Variants in TM6SF2 observed in about 807,000 individuals in gnomAD.
TM6SF2 encodes the protein transmembrane 6 superfamily member 2.
A neutral mutation model predicts 41.0 loss-of-function variants in TM6SF2; 29 were observed. The observed-to-expected ratio is 0.71, with a 90% CI of 0.53 to 0.96. TM6SF2 has a LOEUF of 0.96. Among genes scored for constraint, TM6SF2 ranks in the 50% least tolerant of loss-of-function variants. The pLI is 0.00. For missense variants in TM6SF2, 475 were observed against 499.0 expected (o/e 0.95, Z 0.46); for synonymous variants, 200 against 209.1 (o/e 0.96, Z 0.37).
At chr19:19,273,061 T>TGGGCCCCCCCCCCCCCCCCCCCCCCCCCC in intron 1 of TM6SF2, 60 bp downstream of exon 1, 1 of 305,470 alleles carries the variant, frequency 3.3e-6, no homozygotes, top group Non-Finnish European at 6.1e-6. Context: ...CCTCCAGTCC[T>TGGGCCCCCCCCCCCCCCCCCCCCCCCCCC]CCCCGCCCCC....
In TM6SF2 at chr19:19,267,594, G is replaced by A. The variant is rs2061007617; in HGVS notation, c.804+27C>T. 3.2e-6 allele frequency: 5 copies of A among 1,582,454 alleles called. No individual in the cohort carries two copies. The South Asian group carries it at 3.4e-5, about 11-fold the overall frequency. On this transcript the variant is annotated intron_variant, in intron 8 of 9. Transcript: ENST00000389363. Reference sequence around the variant, plus strand: ...GTGGACCCCTACCCATGGCAGGGGTGTGGTCTTCTCCCCGCTCCCCTCTCA... The same window carrying A: ...GTGGACCCCTACCCATGGCAGGGGTATGGTCTTCTCCCCGCTCCCCTCTCA...
intron 9 of TM6SF2, among the ~76,000 whole-genome samples, chr19:19,265,977 C>A (rs2061001851): frequency 6.6e-6 from 1 of 152,120 alleles, no homozygotes; most frequent in Admixed American, 6.6e-5. Flanking sequence ...TCATCAGGAA[C>A]CCAGAAAAAG....
At chr19:19,265,013 T>C (rs78538967) in intron 9 of TM6SF2, 140 bp from the exon 10 acceptor site, 11,510 of 478,732 alleles carry the variant, frequency 0.024, 248 homozygotes, top group Non-Finnish European at 0.029. Context: ...CATCTATCTG[T>C]TTCCCATCTC....
Position 19,273,219 on chromosome 19 carries a change from G to A in TM6SF2, c.-4C>T. On this transcript the variant is annotated 5_prime_UTR_variant, in exon 1 of 10. Transcript: ENST00000389363. The stretch of plus-strand genomic sequence containing the variant: ...CGGCCAGCGGCGGGATGTCCATAGC[G>A]GCGGCTGCTGGACCCCGGCTCAGCC... The A allele has an allele frequency of 7.1e-7, 1 of 1,412,560 alleles. No homozygotes were observed. Among genetic ancestry groups the A allele is most frequent in the South Asian group, 1.5e-5 (1 of 67,010 alleles). 87.5% of individuals were successfully genotyped at this position (1,412,560 alleles called of 1,614,324 possible).
chr19:19,267,454 C>T (rs187156613), intron 8 of TM6SF2, among the ~76,000 whole-genome samples, 167 bp downstream of exon 8: 1 of 151,954 alleles, frequency 6.6e-6, no homozygotes, highest in East Asian at 1.9e-4. Context: ...CCTTGAGCAC[C>T]TGGATCCAGC....
intron 9 of TM6SF2, among the ~76,000 whole-genome samples, chr19:19,265,967 T>A (rs993350747): frequency 2.6e-5 from 4 of 152,116 alleles, no homozygotes; most frequent in African/African-American, 4.8e-5. Context: ...TTAGCACTTT[T>A]CATCAGGAAC....
In TM6SF2 at chr19:19,273,282, G is replaced by T; in HGVS notation, c.-67C>A. On this transcript the variant is annotated 5_prime_UTR_variant, in exon 1 of 10. Transcript: ENST00000389363. Reference sequence around the variant, plus strand: ...CCAGGGCGCTCGGCTCCTCGTTGGCGGCGAGTCCGGGCCGAGGCTGCCAGG... The same window carrying T: ...CCAGGGCGCTCGGCTCCTCGTTGGCTGCGAGTCCGGGCCGAGGCTGCCAGG... 1 of 1,201,662 alleles carries T rather than the reference G, an allele frequency of 8.3e-7. No homozygotes were observed. Among genetic ancestry groups the T allele is most frequent in the Non-Finnish European group, 1.1e-6 (1 of 934,322 alleles). 74.4% of individuals were successfully genotyped at this position (1,201,662 alleles called of 1,614,324 possible).
intron 9 of TM6SF2, among the ~76,000 whole-genome samples, chr19:19,265,569 C>T (rs1168127730): frequency 6.6e-6 from 1 of 152,128 alleles, no homozygotes; most frequent in African/African-American, 2.4e-5. Flanking sequence ...CAGGCACGTG[C>T]TACCATGCCC....
At position 19,273,193 on chromosome 19, in the gene TM6SF2, C is replaced by T. The variant is rs867126720; in HGVS notation, c.23G>A (p.Gly8Asp). The change falls in exon 1 of 10, where the codon GGC (glycine) becomes GAC (aspartate). Residue 8 changes from glycine (G) to aspartate (D), a missense_variant. By Grantham distance (94) the Gly-to-Asp change is moderately conservative (BLOSUM62 -1). This residue lies in a region of TM6SF2 where 238 missense variants were observed against 228.6 expected (regional missense o/e 1.04). Transcript: ENST00000389363. ...GCTCAGCGACAGCGCCGCGATCTTG[C>T]CGGCCAGCGGCGGGATGTCCATAGC... is the stretch of plus-strand genomic sequence containing the variant. The part of the protein sequence containing the change: MDIPPLA[G>D]KIAALSLSAL... The T allele has an allele frequency of 2.5e-5, 37 of 1,454,258 alleles. No individual in the cohort carries two copies. The highest frequency in any genetic ancestry group is 3.3e-5 in the Non-Finnish European group (36 of 1,106,674). 90.1% of individuals were successfully genotyped at this position (1,454,258 alleles called of 1,614,324 possible).
intron 5 of TM6SF2, among the ~76,000 whole-genome samples, 181 bp from the exon 6 acceptor site, chr19:19,268,935 A>G (rs2146578008): frequency 6.6e-6 from 1 of 152,232 alleles, no homozygotes; most frequent in Non-Finnish European, 1.5e-5. Context: ...CAGCCTCCTG[A>G]GTAGCTGGGA....
At chr19:19,273,058 T>TCCAGGCCCCCCCCCC in intron 1 of TM6SF2, 63 bp downstream of exon 1, 2 of 470,242 alleles carry the variant, frequency 4.3e-6, no homozygotes, top group South Asian at 2.5e-5. Context: ...CCACCTCCAG[T>TCCAGGCCCCCCCCCC]CCTCCCCGCC....
intron 5 of TM6SF2, 109 bp from the exon 6 acceptor site, chr19:19,268,863 C>T (rs1307274498): frequency 9.6e-6 from 13 of 1,357,682 alleles, no homozygotes; most frequent in Non-Finnish European, 1.2e-5. Context: ...GGCTGGAGTG[C>T]AGTGATGCAA....
At chr19:19,266,680 C>A in intron 8 of TM6SF2, 71 bp from the exon 9 acceptor site, 6 of 1,531,558 alleles carry the variant, frequency 3.9e-6, no homozygotes, top group Non-Finnish European at 5.3e-6. Context: ...CTCCTGAGAC[C>A]CCTGAGGTGG....
chr19:19,270,592 G>A, intron 2 of TM6SF2, 150 bp from the exon 3 acceptor site: 3 of 947,454 alleles, frequency 3.2e-6, no homozygotes, highest in East Asian at 2.6e-5. Flanking sequence ...CAACCCCAAA[G>A]GTTGCATGAC....
chr19:19,268,873 A>G (rs1405434347), intron 5 of TM6SF2, 119 bp from the exon 6 acceptor site: 4 of 1,273,444 alleles, frequency 3.1e-6, no homozygotes, highest in Non-Finnish European at 4.1e-6. Context: ...CAGTGATGCA[A>G]TCTTGGCTCA....
rs367550390 is a variant in TM6SF2 at position 19,271,029 on chromosome 19, G to C, written c.192C>G (p.Leu64=). Reference sequence around the variant, plus strand: ...AGCTTCCCACTGACTCACCAGCATAGAGTGGGTCATAGGAGACCTCGCCAT... The same window carrying C: ...AGCTTCCCACTGACTCACCAGCATACAGTGGGTCATAGGAGACCTCGCCAT... ...LSHGEVSYDP[L]YAVFAVFAFT... is the part of the protein sequence containing the mutation. Residue 64 remains leucine (L), a synonymous_variant, in exon 2 of 10, where the codon CTC becomes CTG. Coordinates refer to ENST00000389363, the MANE Select transcript of TM6SF2 (RefSeq NM_001001524.3). 5.6e-5 allele frequency: 91 copies of C among 1,613,328 alleles called. No individual in the cohort carries two copies. In the African/African-American group the frequency reaches 1.1e-3, roughly 19 times the overall value.
chr19:19,268,063 G>C lies in TM6SF2; in HGVS notation c.634C>G (p.Leu212Val), dbSNP rs748791710. 2 of 1,613,828 alleles carry C rather than the reference G, an allele frequency of 1.2e-6. No homozygotes were observed. Among genetic ancestry groups the C allele is most frequent in the African/African-American group, 2.7e-5 (2 of 74,874 alleles). ...GCCAGGTCAGCCGGACGCTGCAGGA[G>C]TCCCTTTCTTTGTTCCTCTTGCACC... Reference protein sequence around the residue: ...NMVQEEQRKGLLQRPADLALV... With the variant: ...NMVQEEQRKGVLQRPADLALV... The change falls in exon 7 of 10, where the codon CTC (leucine) becomes GTC (valine). Residue 212 changes from leucine to valine, a missense_variant. Physicochemically the swap from Leu to Val is conservative, Grantham distance 32 (BLOSUM62 1). Around this residue, in one of 3 missense-constraint regions of TM6SF2, gnomAD observed 47 missense variants for 80.3 expected, o/e 0.59. Coordinates refer to ENST00000389363, the MANE Select transcript of TM6SF2 (RefSeq NM_001001524.3).
intron 8 of TM6SF2, among the ~76,000 whole-genome samples, chr19:19,267,161 G>T (rs950755485): frequency 1.4e-4 from 21 of 152,098 alleles, no homozygotes; most frequent in African/African-American, 4.8e-4. Context: ...TTGAGGTCAG[G>T]AGTTCGAGAC....
intron 2 of TM6SF2, 58 bp from the exon 3 acceptor site, chr19:19,270,500 A>G: frequency 1.3e-6 from 2 of 1,553,934 alleles, no homozygotes; most frequent in Non-Finnish European, 1.7e-6. Context: ...GGGTGGGGCT[A>G]GGGCTTAGTG....
Sources: gnomAD v4.1 joint callset for allele counts (sites outside exome capture counted in the v4.1 genomes callset) on GRCh38, gnomAD v4.1.1 for gene constraint, gnomAD v4.1.1 regional missense constraint, MANE v1.5 for transcripts, NCBI Gene and HGNC (gene_info 2026-07-23, HGNC 2026-07-21) for gene names.